The following YIPF1 variants were observed in gnomAD, a reference collection of about 807,000 sequenced individuals.
YIPF1 encodes the protein Yip1 domain family member 1, also known as protein YIPF1.
In YIPF1, 22 loss-of-function variants were observed where a neutral mutation model predicts 37.0. The observed-to-expected ratio is 0.59, with a 90% confidence interval of 0.42 to 0.85. YIPF1 has a LOEUF of 0.85. Ranked by LOEUF, YIPF1 falls within the 40% of genes least tolerant of loss-of-function variation. The probability of loss-of-function intolerance (pLI) is 0.00; values close to 1 mark genes in which losing one functional copy is unlikely to be tolerated. For synonymous variants in YIPF1, 128 were observed against 131.9 expected (o/e 0.97, Z 0.21); for missense variants, 355 against 373.1 (o/e 0.95, Z 0.40).
intron 9 of YIPF1, among the ~76,000 whole-genome samples, chr1:53,864,132 A>G (rs1235915252): frequency 6.6e-6 from 1 of 152,168 alleles, no homozygotes; most frequent in Non-Finnish European, 1.5e-5. Context: ...GAGAAGGGCA[A>G]TGCCTCCTCT....
At chr1:53,869,202 ATCTT>A (rs1371256555) in intron 7 of YIPF1, among the ~76,000 whole-genome samples, 2 of 151,052 alleles carry the variant, frequency 1.3e-5, no homozygotes, top group Non-Finnish European at 2.9e-5. Context: ...GCAAATACAT[ATCTT>A]TCTATGTACA....
chr1:53,861,429 C>G (rs974111612), intron 9 of YIPF1, among the ~76,000 whole-genome samples: 3 of 152,052 alleles, frequency 2.0e-5, no homozygotes, highest in Non-Finnish European at 2.9e-5. Context: ...GCAAAGAGGC[C>G]CAGCTTCTAC....
intron 3 of YIPF1, among the ~76,000 whole-genome samples, chr1:53,884,951 A>G (rs950699088): frequency 1.3e-5 from 2 of 152,242 alleles, no homozygotes; most frequent in East Asian, 1.9e-4. Flanking sequence ...TATGGAGAAC[A>G]CTAAAGTGAC....
rs759374987 is a variant in YIPF1 at position 53,869,131 on chromosome 1, T to TTC, written c.482-2209_482-2208dup. Among the ~76,000 whole-genome samples the TTC allele has an allele frequency of 6.2e-3, 862 of 139,526 alleles. 4 individuals are homozygous for TTC. The highest frequency in any genetic ancestry group is 0.018 in the East Asian group (81 of 4,586). The allele number at this position is 139,526 out of a possible 152,430, so 91.5% of individuals were successfully genotyped here. A position where few individuals can be genotyped will look rare whatever the true frequency, so the allele number is the denominator to read the frequency against. On this transcript the variant is annotated intron_variant, in intron 7 of 10. Coordinates refer to ENST00000072644, the MANE Select transcript of YIPF1 (RefSeq NM_018982.5). ...AAAGAAGGAAGGATACATGGATACA[T>TTC]TCTCTCTCTCTCTCTCTCTCTCTCT...
At chr1:53,855,435 T>C (rs1259819379) in intron 10 of YIPF1, among the ~76,000 whole-genome samples, 1 of 152,034 alleles carries the variant, frequency 6.6e-6, no homozygotes, top group Non-Finnish European at 1.5e-5. Flanking sequence ...GAAGGAAGGA[T>C]GGAAGCCAGA....
chr1:53,879,798 G>C (rs1388434475), intron 4 of YIPF1, among the ~76,000 whole-genome samples: 1 of 152,202 alleles, frequency 6.6e-6, no homozygotes, highest in East Asian at 1.9e-4. Context: ...TGAAAGCGGT[G>C]AATGAATTCA....
chr1:53,855,354 A>C (rs1409706597), intron 10 of YIPF1, among the ~76,000 whole-genome samples: 1 of 151,980 alleles, frequency 6.6e-6, no homozygotes, highest in Non-Finnish European at 1.5e-5. Context: ...TCCCAGGTAC[A>C]GTTTCCAGGC....
At chr1:53,885,762 A>T (rs1345407245) in intron 3 of YIPF1, among the ~76,000 whole-genome samples, 2 of 150,322 alleles carry the variant, frequency 1.3e-5, no homozygotes, top group Admixed American at 6.6e-5. Context: ...GAAGGATGCA[A>T]TGATCTGAGA....
chr1:53,870,257 A>C (rs1422929668), intron 7 of YIPF1, among the ~76,000 whole-genome samples: 1 of 140,456 alleles, frequency 7.1e-6, no homozygotes, highest in African/African-American at 2.7e-5. Flanking sequence ...CTACAGCCTC[A>C]ATCTCTGGGC....
intron 10 of YIPF1, among the ~76,000 whole-genome samples, chr1:53,857,375 A>T (rs1649746738): frequency 6.6e-6 from 1 of 152,240 alleles, no homozygotes; most frequent in Non-Finnish European, 1.5e-5. Flanking sequence ...AGCTGATAAG[A>T]CATGCAATCA....
At chr1:53,878,763 T>G in intron 4 of YIPF1, 41 bp from the exon 5 acceptor site, 10 of 1,567,006 alleles carry the variant, frequency 6.4e-6, no homozygotes, top group Non-Finnish European at 8.6e-6. Flanking sequence ...ACATAAGCAA[T>G]TTCTTAATTC....
intron 10 of YIPF1, among the ~76,000 whole-genome samples, chr1:53,854,809 T>C (rs982455536): frequency 6.6e-6 from 1 of 152,110 alleles, no homozygotes; most frequent in East Asian, 1.9e-4. Flanking sequence ...TGCTATATGA[T>C]TGGCCTAACA....
intron 4 of YIPF1, among the ~76,000 whole-genome samples, chr1:53,881,134 G>T (rs565571803): frequency 6.6e-6 from 1 of 151,128 alleles, no homozygotes; most frequent in Non-Finnish European, 1.5e-5. Context: ...ATGGTGGCAC[G>T]TGCCTGTAGT....
intron 6 of YIPF1, among the ~76,000 whole-genome samples, chr1:53,877,010 TG>T (rs1460200734): frequency 6.6e-6 from 1 of 152,222 alleles, no homozygotes; most frequent in Non-Finnish European, 1.5e-5. Flanking sequence ...ATTCAACAGA[TG>T]TTAGTGTTCT....
chr1:53,867,340 G>A (rs1204375545), intron 7 of YIPF1, among the ~76,000 whole-genome samples: 1 of 150,860 alleles, frequency 6.6e-6, no homozygotes, highest in Non-Finnish European at 1.5e-5. Context: ...TCTCTTCCTC[G>A]GTATAACAAG....
At chr1:53,878,993 C>T (rs557354057) in intron 4 of YIPF1, among the ~76,000 whole-genome samples, 1 of 152,268 alleles carries the variant, frequency 6.6e-6, no homozygotes, top group South Asian at 2.1e-4. Context: ...TCCTGCTGGG[C>T]TTAGTTCCCT....
At chr1:53,866,990 A>C (rs1650046741) in intron 7 of YIPF1, 66 bp from the exon 8 acceptor site, 2 of 1,528,354 alleles carry the variant, frequency 1.3e-6, no homozygotes, top group South Asian at 1.3e-5. Context: ...GAGCACTTCC[A>C]ACACCTTATT....
chr1:53,869,168 A>T (rs1257216855), intron 7 of YIPF1, among the ~76,000 whole-genome samples: 11 of 151,158 alleles, frequency 7.3e-5, no homozygotes, highest in African/African-American at 2.5e-4. Context: ...TCTCACACAC[A>T]CACACACACA....
intron 6 of YIPF1, among the ~76,000 whole-genome samples, chr1:53,873,030 G>C (rs1448788421): frequency 6.6e-6 from 1 of 152,170 alleles, no homozygotes; most frequent in Non-Finnish European, 1.5e-5. Flanking sequence ...GACCATCCAA[G>C]GGTATGACCA....
Sources: allele counts gnomAD v4.1 joint callset (sites outside exome capture counted in the v4.1 genomes callset), GRCh38; gene constraint gnomAD v4.1.1; transcripts MANE v1.5; gene names NCBI Gene and HGNC (gene_info 2026-07-23, HGNC 2026-07-21).